PKNOX2: variants seen among roughly 807,000 people sequenced by gnomAD.
PKNOX2 encodes homeobox protein PKNOX2.
Under a neutral mutation model 53.1 loss-of-function variants are expected in PKNOX2, and 14 were observed. The ratio of observed to expected loss-of-function variants is 0.26; its 90% CI spans 0.17 to 0.41. PKNOX2 has a LOEUF of 0.41. Among genes scored for constraint, PKNOX2 ranks in the 10% least tolerant of loss-of-function variants. PKNOX2 has a pLI of 1.00. For missense variants in PKNOX2, 496 were observed against 602.8 expected, an observed-to-expected ratio of 0.82 and a Z score of 1.85; for synonymous variants, 257 against 242.8, an observed-to-expected ratio of 1.06 and a Z score of -0.54.
chr11:125,220,814 C>A (rs1163037368), intron 1 of PKNOX2, among the ~76,000 whole-genome samples: 1 of 152,170 alleles, frequency 6.6e-6, no homozygotes, highest in Non-Finnish European at 1.5e-5. Context: ...AGGGTGGAGG[C>A]CCAACCAGTA....
At chr11:125,419,927 A>T (rs1225979574) in intron 10 of PKNOX2, among the ~76,000 whole-genome samples, 1 of 151,434 alleles carries the variant, frequency 6.6e-6, no homozygotes, top group Non-Finnish European at 1.5e-5. Flanking sequence ...TCACACCTGT[A>T]ATCATGCCAG....
chr11:125,215,909 C>T (rs1358311945), intron 1 of PKNOX2, among the ~76,000 whole-genome samples: 2 of 152,158 alleles, frequency 1.3e-5, no homozygotes, highest in African/African-American at 4.8e-5. Flanking sequence ...TTACAGCGCT[C>T]AGTCATTTAT....
chr11:125,259,666 T>A (rs976399212), intron 2 of PKNOX2, among the ~76,000 whole-genome samples: 1 of 152,166 alleles, frequency 6.6e-6, no homozygotes, highest in Admixed American at 6.5e-5. Flanking sequence ...TCCTTTGGGA[T>A]CCTGGGGATG....
intron 2 of PKNOX2, among the ~76,000 whole-genome samples, chr11:125,284,523 C>T (rs1209445434): frequency 1.3e-5 from 2 of 152,214 alleles, no homozygotes; most frequent in African/African-American, 4.8e-5. Flanking sequence ...CTGCTGTGCT[C>T]GGCTGGCTTC....
intron 2 of PKNOX2, among the ~76,000 whole-genome samples, chr11:125,292,964 C>T (rs184917150): frequency 6.2e-4 from 95 of 152,248 alleles, no homozygotes; most frequent in Non-Finnish European, 7.6e-4. Flanking sequence ...GGGAGCGTCG[C>T]AGGCAGCCTG....
chr11:125,420,014 C>T (rs1271029879), intron 10 of PKNOX2, among the ~76,000 whole-genome samples: 2 of 151,138 alleles, frequency 1.3e-5, no homozygotes, highest in African/African-American at 2.4e-5. Context: ...GGCAAAACCC[C>T]GTCTCTACTA....
At chr11:125,211,609 T>C (rs1030135555) in intron 1 of PKNOX2, among the ~76,000 whole-genome samples, 2 of 152,150 alleles carry the variant, frequency 1.3e-5, no homozygotes, top group African/African-American at 4.8e-5. Context: ...AGCTGAGCCC[T>C]GGAAGAATGT....
chr11:125,309,725 T>A (rs995608194), intron 2 of PKNOX2, among the ~76,000 whole-genome samples: 1 of 152,132 alleles, frequency 6.6e-6, no homozygotes, highest in African/African-American at 2.4e-5. Context: ...CTACTCAACA[T>A]CATCTTCTTG....
chr11:125,223,650 C>T (rs1318362518), intron 1 of PKNOX2, among the ~76,000 whole-genome samples: 1 of 152,106 alleles, frequency 6.6e-6, no homozygotes, highest in East Asian at 1.9e-4. Flanking sequence ...TCCTTTTGAA[C>T]AAGGTTCATA....
At chr11:125,179,025 C>G (rs1234076435) in intron 1 of PKNOX2, among the ~76,000 whole-genome samples, 1 of 152,150 alleles carries the variant, frequency 6.6e-6, no homozygotes, top group South Asian at 2.1e-4. Context: ...TGCCCTCTCC[C>G]GTGTGTTTCA....
chr11:125,174,233 A>G (rs1024118330), intron 1 of PKNOX2, among the ~76,000 whole-genome samples: 1 of 152,136 alleles, frequency 6.6e-6, no homozygotes, highest in African/African-American at 2.4e-5. Flanking sequence ...GCTTGTTCTC[A>G]TTCTCATTTC....
intron 6 of PKNOX2, among the ~76,000 whole-genome samples, chr11:125,386,307 C>T (rs959380445): frequency 6.6e-6 from 1 of 152,188 alleles, no homozygotes; most frequent in South Asian, 2.1e-4. Context: ...CTAGGCCACA[C>T]CGCCTGGGAA....
chr11:125,376,572 A>G (rs1386074925), intron 5 of PKNOX2, among the ~76,000 whole-genome samples: 1 of 152,206 alleles, frequency 6.6e-6, no homozygotes. Flanking sequence ...GCCAGATGGC[A>G]AAATCTGTTC....
rs1221652595 is a variant in PKNOX2, at chr11:125,352,038, G to A, written c.87+646G>A. Among the ~76,000 whole-genome samples, 1 of 151,642 alleles carries A rather than the reference G, an allele frequency of 6.6e-6. No homozygotes were observed. The highest frequency in any genetic ancestry group is 1.5e-5 in the Non-Finnish European group (1 of 67,956). On this transcript the variant is annotated intron_variant, in intron 4 of 12. Transcript: ENST00000298282. The surrounding 1 kb of genome is among the most constrained non-coding windows in gnomAD (Gnocchi z 4.1). Reference sequence around the variant, plus strand: ...ACCCCGATTGCCTCTCCTGCAACATGCCCCTCCTCAGCAGTGCCTTCTGGC... The same window carrying A: ...ACCCCGATTGCCTCTCCTGCAACATACCCCTCCTCAGCAGTGCCTTCTGGC...
intron 5 of PKNOX2, among the ~76,000 whole-genome samples, chr11:125,372,096 C>T (rs898164302): frequency 6.6e-6 from 1 of 152,212 alleles, no homozygotes; most frequent in African/African-American, 2.4e-5. Context: ...GCTACTGCAT[C>T]AAAGCTTGTT....
chr11:125,178,578 G>GA (rs1565462265), intron 1 of PKNOX2, among the ~76,000 whole-genome samples: 7 of 30,004 alleles, frequency 2.3e-4, no homozygotes, highest in African/African-American at 1.7e-3. Context: ...AGGAAGGAAG[G>GA]AAGGAAGGAA....
At chr11:125,427,717 T>C (rs920130236) in intron 10 of PKNOX2, among the ~76,000 whole-genome samples, 2 of 152,084 alleles carry the variant, frequency 1.3e-5, no homozygotes, top group Non-Finnish European at 2.9e-5. Flanking sequence ...ACCACTCCAA[T>C]CAAAAGGAAT....
chr11:125,227,427 CTG>C (rs1330685313), intron 1 of PKNOX2, among the ~76,000 whole-genome samples: 1 of 152,222 alleles, frequency 6.6e-6, no homozygotes, highest in Non-Finnish European at 1.5e-5. Context: ...CTTTCTATCT[CTG>C]TGAGTTTGAC....
rs747631254 is a variant in PKNOX2 at position 125,432,790 on chromosome 11, T to C, written c.*1398T>C. ...CGTGTGTTTTCCATTGGGTTTAATT[T>C]AATGGACGTGCAGTTTCATTTGTAA... On this transcript the variant is annotated 3_prime_UTR_variant, in exon 13 of 13. Coordinates refer to ENST00000298282, the MANE Select transcript of PKNOX2 (RefSeq NM_001382323.2). The C allele has an allele frequency of 2.0e-5, 3 of 152,674 alleles. No individual in the cohort carries two copies. The highest frequency in any genetic ancestry group is 4.4e-5 in the Non-Finnish European group (3 of 68,052). The allele number at this position is 152,674 out of a possible 1,614,324, so 9.5% of individuals were successfully genotyped here. A position where few individuals can be genotyped will look rare whatever the true frequency, so the allele number is the denominator to read the frequency against.
Sources: gnomAD v4.1 joint callset for allele counts (sites outside exome capture counted in the v4.1 genomes callset) on GRCh38, gnomAD v4.1.1 for gene constraint, Gnocchi (gnomAD v3.1) non-coding constraint, MANE v1.5 for transcripts, NCBI Gene and HGNC (gene_info 2026-07-23, HGNC 2026-07-21) for gene names.